KLHL35: variants seen among roughly 807,000 people sequenced by gnomAD.
KLHL35 encodes kelch like family member 35.
In KLHL35, 50 loss-of-function variants were observed where a neutral mutation model predicts 44.0. That is an observed-to-expected ratio of 1.14 (90% CI 0.91 to 1.44). The LOEUF (loss-of-function observed/expected upper bound fraction) is 1.44, where lower values mean the gene tolerates loss of function less well. Ranked by LOEUF, KLHL35 falls within the 40% of genes most tolerant of loss-of-function variation. KLHL35 has a pLI of 0.00. For missense variants in KLHL35, 1,049 were observed against 887.8 expected, an observed-to-expected ratio of 1.18 and a Z score of -2.31; for synonymous variants, 470 against 410.4, an observed-to-expected ratio of 1.15 and a Z score of -1.76.
intron 1 of KLHL35, 43 bp from the exon 2 acceptor site, chr11:75,430,673 G>C: frequency 7.6e-7 from 1 of 1,308,332 alleles, no homozygotes; most frequent in Non-Finnish European, 9.7e-7. Flanking sequence ...AAGCCACCTG[G>C]CTGCGCCCGG....
At chr11:75,429,464 C>T (rs951893907) in intron 2 of KLHL35, among the ~76,000 whole-genome samples, 9 of 152,200 alleles carry the variant, frequency 5.9e-5, no homozygotes, top group African/African-American at 2.2e-4. Context: ...TTTCAAATCA[C>T]TTCCGCATCC....
In KLHL35 at chr11:75,430,140, C is replaced by T. The variant is rs566570299; in HGVS notation, c.490G>A (p.Ala164Thr). ...NSLALRRVAAAFSLAPLAERC... is the reference protein window; with the variant it reads ...NSLALRRVAATFSLAPLAERC... ...TCGGCCAGCGGGGCCAGCGAGAAGG[C>T]GGCGGCCACGCGGCGCAGCGCTAGG... is the stretch of plus-strand genomic sequence containing the variant. The change falls in exon 2 of 7, where the codon GCC (alanine) becomes ACC (threonine). Residue 164 changes from alanine (A) to threonine (T), a missense_variant. By Grantham distance (58) the Ala-to-Thr change is moderately conservative (BLOSUM62 0). Coordinates refer to ENST00000539798, the MANE Select transcript of KLHL35 (RefSeq NM_001039548.3). The T allele has an allele frequency of 8.8e-6, 11 of 1,254,528 alleles. No individual in the cohort carries two copies. The East Asian group carries it at 2.8e-4, about 32-fold the overall frequency. 77.7% of individuals were successfully genotyped at this position (1,254,528 alleles called of 1,614,324 possible).
At chr11:75,424,175 T>C (rs1948472701) in intron 5 of KLHL35, 1 of 355,956 alleles carries the variant, frequency 2.8e-6, no homozygotes, top group Admixed American at 4.4e-5. Flanking sequence ...GTCTCCCTGG[T>C]GTTCCCCCCT....
At position 75,422,707 on chromosome 11, in the gene KLHL35, C is replaced by T. The variant is rs749528114; in HGVS notation, c.1625G>A (p.Arg542His). 1.5e-5 allele frequency: 25 copies of T among 1,613,928 alleles called. No individual in the cohort carries two copies. Among genetic ancestry groups the T allele is most frequent in the Admixed American group, 1.5e-4 (9 of 60,012 alleles). ...GAAGACCTTATCGGTGCTTTCTCCG[C>T]GATCATCCCGCCCGCCAAGGATGTG... ...KVHILGGRDD[R>H]GESTDKVFTF... Residue 542 changes from arginine to histidine, a missense_variant, in exon 7 of 7, where the codon CGC becomes CAC. Arg to His is a conservative substitution (Grantham distance 29, BLOSUM62 0). Coordinates refer to ENST00000539798, the MANE Select transcript of KLHL35 (RefSeq NM_001039548.3).
In KLHL35 at chr11:75,423,392, G is replaced by A. The variant is rs114291109; in HGVS notation, c.1563+300C>T. 1.6e-3 allele frequency: 540 copies of A among 332,420 alleles called. 5 individuals carry two copies. The highest frequency in any genetic ancestry group is 0.011 in the African/African-American group (513 of 48,484). The allele number at this position is 332,420 out of a possible 1,614,324, so 20.6% of individuals were successfully genotyped here. ...TGATTGGTTACTAGCAGTGGCCTTC[G>A]GGGCAGGAGAGACCACAGGGTCATT... is the stretch of plus-strand genomic sequence containing the variant. On this transcript the variant is annotated intron_variant, in intron 6 of 6. Coordinates refer to ENST00000539798, the MANE Select transcript of KLHL35 (RefSeq NM_001039548.3).
chr11:75,430,343 G>T lies in KLHL35; in HGVS notation c.287C>A (p.Pro96Gln). Residue 96 changes from proline (P) to glutamine (Q), a missense_variant, in exon 2 of 7, where the codon CCG (proline) becomes CAG (glutamine). By Grantham distance (76) the Pro-to-Gln change is moderately conservative. Transcript: ENST00000539798. ...GGCCAGCGCCGCCGCCGCCCCGGCC[G>T]GGCTCGTGCCTGGCGCCTCGGGAGC... Reference protein sequence around the residue: ...PVAPEAPGTSPAGAAAALAVV... With the variant: ...PVAPEAPGTSQAGAAAALAVV... 2.3e-6 allele frequency: 3 copies of T among 1,300,072 alleles called. No homozygotes were observed. The highest frequency in any genetic ancestry group is 2.0e-5 in the South Asian group (1 of 51,098). The allele number at this position is 1,300,072 out of a possible 1,614,324, so 80.5% of individuals were successfully genotyped here.
chr11:75,430,087 G>T lies in KLHL35; in HGVS notation c.543C>A (p.Ala181=). The T allele has an allele frequency of 7.4e-7, 1 of 1,360,358 alleles. No individual in the cohort carries two copies. Among genetic ancestry groups the T allele is most frequent in the South Asian group, 1.7e-5 (1 of 59,856 alleles). 84.3% of individuals were successfully genotyped at this position (1,360,358 alleles called of 1,614,324 possible). The change falls in exon 2 of 7, where the codon GCC becomes GCA. Residue 181 remains alanine (A), a synonymous_variant. Coordinates refer to ENST00000539798, the MANE Select transcript of KLHL35 (RefSeq NM_001039548.3). ...AERCGRVLRQ[A]FAEVARHADF... ...CGGCGTGGCGCGCCACCTCGGCGAAGGCCTGACGCAGGACGCGGCCGCAGC... is the reference window on the plus strand; with the variant it reads ...CGGCGTGGCGCGCCACCTCGGCGAATGCCTGACGCAGGACGCGGCCGCAGC...
rs1236427945 is a variant in KLHL35, at chr11:75,430,296, C to G, written c.334G>C (p.Gly112Arg). 3.3e-6 allele frequency: 4 copies of G among 1,228,678 alleles called. No individual in the cohort carries two copies. Among genetic ancestry groups the G allele is most frequent in the Non-Finnish European group, 4.1e-6 (4 of 987,610 alleles). The allele number at this position is 1,228,678 out of a possible 1,614,324, so 76.1% of individuals were successfully genotyped here. Residue 112 changes from glycine to arginine, a missense_variant, in exon 2 of 7, where the codon GGA (glycine) becomes CGA (arginine). Gly to Arg is a moderately radical substitution (Grantham distance 125). Transcript: ENST00000539798. ...TCCGCGCGCAGCCGCACGCCCGCTC[C>G]GTACACGTAGTCGAGCACCACGGCC... is the stretch of plus-strand genomic sequence containing the variant. ...ALAVVLDYVY[G>R]AGVRLRAEDE...
rs756477451 is a variant in KLHL35, at chr11:75,430,004, C to G, written c.626G>C (p.Gly209Ala). Residue 209 changes from glycine (G) to alanine (A), a missense_variant, in exon 2 of 7, where the codon GGC (glycine) becomes GCC (alanine). Gly to Ala is a moderately conservative substitution (Grantham distance 60). Transcript: ENST00000539798. ...VVALLADPAL[G>A]VAREEAVFEA... The stretch of plus-strand genomic sequence containing the variant: ...AAACACGGCCTCCTCGCGCGCCACG[C>G]CCAGCGCGGGGTCCGCCAGCAGCGC... 2 of 1,416,640 alleles carry G rather than the reference C, an allele frequency of 1.4e-6. No homozygotes were observed. 87.8% of individuals were successfully genotyped at this position (1,416,640 alleles called of 1,614,324 possible).
At chr11:75,423,267 G>A (rs1948465409) in intron 6 of KLHL35, 2 of 193,014 alleles carry the variant, frequency 1.0e-5, no homozygotes, top group Non-Finnish European at 2.2e-5. Context: ...GGTAGGGGAG[G>A]CAGGGAATTG....
At position 75,422,694 on chromosome 11, in the gene KLHL35, G is replaced by A. The variant is rs745906525; in HGVS notation, c.1638C>T (p.Thr546=). ...TGGGGTCAAAGGTGAAGACCTTATC[G>A]GTGCTTTCTCCGCGATCATCCCGCC... ...LGGRDDRGES[T]DKVFTFDPSS... The change falls in exon 7 of 7, where the codon ACC becomes ACT. Residue 546 remains threonine (T), a synonymous_variant. Transcript: ENST00000539798. 9.4e-5 allele frequency: 152 copies of A among 1,613,902 alleles called. 2 individuals are homozygous for A. The South Asian group carries it at 1.2e-3, about 13-fold the overall frequency.
intron 2 of KLHL35, among the ~76,000 whole-genome samples, chr11:75,429,541 G>A (rs891418631): frequency 6.6e-6 from 1 of 152,274 alleles, no homozygotes; most frequent in African/African-American, 2.4e-5. Flanking sequence ...GGGCCAAAGA[G>A]AGTGTGCGCA....
At position 75,430,648 on chromosome 11, in the gene KLHL35, C is replaced by CA. The variant is rs1414940506; in HGVS notation, c.-1-19dup. On this transcript the variant is annotated intron_variant, in intron 1 of 6. Coordinates refer to ENST00000539798, the MANE Select transcript of KLHL35 (RefSeq NM_001039548.3). The stretch of plus-strand genomic sequence containing the variant: ...GCCGCATCCTGCCGGGGAGAGAACA[C>CA]AAACAGCGTCGGGGAAGCCACCTGG... 8 of 1,337,760 alleles carry CA rather than the reference C, an allele frequency of 6.0e-6. No homozygotes were observed. Among genetic ancestry groups the CA allele is most frequent in the Non-Finnish European group, 7.7e-6 (8 of 1,045,206 alleles). 82.9% of individuals were successfully genotyped at this position (1,337,760 alleles called of 1,614,324 possible).
Position 75,424,091 on chromosome 11 carries a change from T to C in KLHL35, c.1375-211A>G. On this transcript the variant is annotated intron_variant, in intron 5 of 6. Transcript: ENST00000539798. Reference sequence around the variant, plus strand: ...TCATCTAGTTCTATGTTCTGTCCTCTGCCTCTGGACTCCCTTTGTCAAAAG... The same window carrying C: ...TCATCTAGTTCTATGTTCTGTCCTCCGCCTCTGGACTCCCTTTGTCAAAAG... 5.6e-6 allele frequency: 3 copies of C among 532,742 alleles called. 1 individual carries two copies. The highest frequency in any genetic ancestry group is 9.9e-4 in the Middle Eastern group (2 of 2,028). 33.0% of individuals were successfully genotyped at this position (532,742 alleles called of 1,614,324 possible).
At chr11:75,428,726 G>GT in intron 2 of KLHL35, 100 bp from the exon 3 acceptor site, 1 of 1,083,370 alleles carries the variant, frequency 9.2e-7, no homozygotes, top group Non-Finnish European at 1.3e-6. Flanking sequence ...CCTTTCATGC[G>GT]TTTCTGCCAT....
At chr11:75,431,681 C>G (rs1237235210) in intron 1 of KLHL35, among the ~76,000 whole-genome samples, 1 of 152,136 alleles carries the variant, frequency 6.6e-6, no homozygotes, top group African/African-American at 2.4e-5. Context: ...ACGGTGTGGC[C>G]GGGGCAAGTC....
intron 5 of KLHL35, 111 bp from the exon 6 acceptor site, chr11:75,423,991 T>G: frequency 1.2e-6 from 1 of 822,090 alleles, no homozygotes; most frequent in Non-Finnish European, 1.9e-6. Context: ...AAACGACATT[T>G]GCCAGTGTCC....
chr11:75,432,283 C>A (rs1031350507), intron 1 of KLHL35, among the ~76,000 whole-genome samples: 11 of 152,208 alleles, frequency 7.2e-5, no homozygotes, highest in African/African-American at 2.7e-4. Context: ...CCCTGGTCAT[C>A]CAGGGCAGCG....
intron 3 of KLHL35, among the ~76,000 whole-genome samples, chr11:75,427,198 C>T (rs1565171537): frequency 6.6e-6 from 1 of 152,220 alleles, no homozygotes; most frequent in Non-Finnish European, 1.5e-5. Context: ...CCAACAATGA[C>T]CTGCTGAAGA....
Sources: allele counts gnomAD v4.1 joint callset (sites outside exome capture counted in the v4.1 genomes callset), GRCh38; gene constraint gnomAD v4.1.1; transcripts MANE v1.5; gene names NCBI Gene and HGNC (gene_info 2026-07-23, HGNC 2026-07-21).